GALNT12: variants seen among roughly 807,000 people sequenced by gnomAD.
GALNT12 encodes polypeptide N-acetylgalactosaminyltransferase 12, also known as UDP-GalNAc:polypeptide N-acetylgalactosaminyltransferase 12.
A neutral mutation model predicts 55.5 loss-of-function variants in GALNT12; 45 were observed. The observed-to-expected ratio is 0.81, with a 90% CI of 0.64 to 1.04. GALNT12 has a LOEUF of 1.04. Ranked by LOEUF, GALNT12 falls within the 50% of genes least tolerant of loss-of-function variation. GALNT12 has a pLI of 0.00. For synonymous variants in GALNT12, 304 were observed against 312.2 expected (o/e 0.97, Z 0.28); for missense variants, 709 against 754.8 (o/e 0.94, Z 0.71).
chr9:98,810,221 C>T (rs1199425382), intron 1 of GALNT12, among the ~76,000 whole-genome samples: 1 of 152,132 alleles, frequency 6.6e-6, no homozygotes, highest in Non-Finnish European at 1.5e-5. Context: ...GGGTTCTCTG[C>T]GAGTCTAATA....
chr9:98,815,461 A>G (rs1480127112), intron 1 of GALNT12, among the ~76,000 whole-genome samples: 1 of 152,190 alleles, frequency 6.6e-6, no homozygotes, highest in Non-Finnish European at 1.5e-5. Flanking sequence ...TCAACTTACG[A>G]TGAGTTTATT....
intron 3 of GALNT12, 155 bp from the exon 4 acceptor site, chr9:98,831,617 C>T (rs996992566): frequency 1.4e-4 from 52 of 367,894 alleles, no homozygotes; most frequent in Admixed American, 1.9e-4. Flanking sequence ...GGCTCTGACA[C>T]GGCTGCAGAC....
chr9:98,813,857 G>C (rs1835552543), intron 1 of GALNT12, among the ~76,000 whole-genome samples: 1 of 152,036 alleles, frequency 6.6e-6, no homozygotes, highest in South Asian at 2.1e-4. Context: ...TATACCAGGA[G>C]TGTTTCCCTA....
At position 98,849,809 on chromosome 9, in the gene GALNT12, C is replaced by T; in HGVS notation, c.*717C>T. On this transcript the variant is annotated 3_prime_UTR_variant, in exon 10 of 10. Transcript: ENST00000375011. ...CCGCACTGTAGTGTGGCTGGTTCTA[C>T]CACTATGACTTTAAAACATGTTTAT... 1 of 386,462 alleles carries T rather than the reference C, an allele frequency of 2.6e-6. No individual in the cohort carries two copies. Among genetic ancestry groups the T allele is most frequent in the Non-Finnish European group, 4.6e-6 (1 of 219,424 alleles). The allele number at this position is 386,462 out of a possible 1,614,324, so 23.9% of individuals were successfully genotyped here.
intron 2 of GALNT12, among the ~76,000 whole-genome samples, chr9:98,824,027 A>G (rs1835807631): frequency 6.6e-6 from 1 of 152,220 alleles, no homozygotes; most frequent in South Asian, 2.1e-4. Context: ...CTGTAACAGC[A>G]GGTAGAGCTG....
Position 98,849,540 on chromosome 9 carries a change from A to G in GALNT12, c.*448A>G. 1 of 469,214 alleles carries G rather than the reference A, an allele frequency of 2.1e-6. No individual in the cohort carries two copies. Among genetic ancestry groups the G allele is most frequent in the Non-Finnish European group, 3.7e-6 (1 of 269,622 alleles). The allele number at this position is 469,214 out of a possible 1,614,324, so 29.1% of individuals were successfully genotyped here. On this transcript the variant is annotated 3_prime_UTR_variant, in exon 10 of 10. Transcript: ENST00000375011. ...ACTTTGCATTAACTGATAATACCTC[A>G]GCTGCGGGGTTAAAGTTTTCCCAGT...
chr9:98,808,087 G>C lies in GALNT12; in HGVS notation c.371+18G>C. On this transcript the variant is annotated intron_variant, in intron 1 of 9. Coordinates refer to ENST00000375011, the MANE Select transcript of GALNT12 (RefSeq NM_024642.5). ...AACCCGCTGTGAGTGCACAGCTCTG[G>C]GGAGGAAGCCCGCCCTCAGAGCCCC... 1 of 1,556,570 alleles carries C rather than the reference G, an allele frequency of 6.4e-7. No individual in the cohort carries two copies. The highest frequency in any genetic ancestry group is 8.7e-7 in the Non-Finnish European group (1 of 1,152,092).
At chr9:98,843,066 A>C (rs1346703270) in intron 7 of GALNT12, among the ~76,000 whole-genome samples, 2 of 152,230 alleles carry the variant, frequency 1.3e-5, no homozygotes, top group African/African-American at 4.8e-5. Context: ...CATTGGGCAG[A>C]GAAAGGAAAT....
chr9:98,813,210 A>G (rs1835530291), intron 1 of GALNT12, among the ~76,000 whole-genome samples: 1 of 152,116 alleles, frequency 6.6e-6, no homozygotes, highest in Non-Finnish European at 1.5e-5. Context: ...TTGTTCATGA[A>G]AGTTTTGCTG....
chr9:98,816,906 G>T (rs1302472205), intron 1 of GALNT12, among the ~76,000 whole-genome samples: 1 of 147,494 alleles, frequency 6.8e-6, no homozygotes, highest in Non-Finnish European at 1.5e-5. Context: ...CTCACTGCAA[G>T]CTCTGCCTTC....
intron 4 of GALNT12, among the ~76,000 whole-genome samples, chr9:98,834,318 G>A (rs546008713): frequency 6.6e-6 from 1 of 151,966 alleles, no homozygotes; most frequent in Non-Finnish European, 1.5e-5. Context: ...ACAGGTTTTC[G>A]CCATATTAAC....
intron 1 of GALNT12, among the ~76,000 whole-genome samples, chr9:98,816,972 C>T (rs1835626921): frequency 6.6e-6 from 1 of 151,962 alleles, no homozygotes; most frequent in African/African-American, 2.4e-5. Flanking sequence ...CTACAGGCAC[C>T]AGCCACCACG....
At position 98,840,122 on chromosome 9, in the gene GALNT12, T is replaced by G. The variant is rs1836251705; in HGVS notation, c.1333T>G (p.Phe445Val). Residue 445 changes from phenylalanine (F) to valine (V), a missense_variant, in exon 7 of 10, where the codon TTC becomes GTC. This residue lies in a region of GALNT12 where 262 missense variants were observed against 310.7 expected (regional missense o/e 0.84). Transcript: ENST00000375011. ...ELHVPEDRPG[F>V]FGMLQNKGLT... ...GCATGTGCCTGAGGACAGGCCTGGC[T>G]TCTTCGGGATGGTGAGTGAGGGTGG... The G allele has an allele frequency of 1.2e-6, 2 of 1,613,632 alleles. No individual in the cohort carries two copies. The highest frequency in any genetic ancestry group is 4.5e-5 in the East Asian group (2 of 44,872).
intron 3 of GALNT12, among the ~76,000 whole-genome samples, chr9:98,828,650 A>G (rs181443125): frequency 6.6e-6 from 1 of 152,294 alleles, no homozygotes; most frequent in East Asian, 1.9e-4. Context: ...TACCTGGGAA[A>G]CTTTAAAAAA....
Position 98,823,290 on chromosome 9 carries a change from C to T in GALNT12, c.406C>T (p.Pro136Ser). The T allele has an allele frequency of 1.2e-6, 2 of 1,614,046 alleles. No homozygotes were observed. Among genetic ancestry groups the T allele is most frequent in the East Asian group, 4.5e-5 (2 of 44,880 alleles). Residue 136 changes from proline to serine, a missense_variant, in exon 2 of 10, where the codon CCC becomes TCC. Pro to Ser is a moderately conservative substitution (Grantham distance 74). Transcript: ENST00000375011. Reference protein sequence around the residue: ...KEKKYDYDNLPRTSVIIAFYN... With the variant: ...KEKKYDYDNLSRTSVIIAFYN... ...GAAGAAATATGATTATGATAATTTGCCCAGGACATCTGTTATCATAGCATT... is the reference window on the plus strand; with the variant it reads ...GAAGAAATATGATTATGATAATTTGTCCAGGACATCTGTTATCATAGCATT...
At chr9:98,833,882 A>G (rs1836065193) in intron 4 of GALNT12, among the ~76,000 whole-genome samples, 1 of 152,080 alleles carries the variant, frequency 6.6e-6, no homozygotes, top group South Asian at 2.1e-4. Context: ...TCCCCATCCC[A>G]TAATATCCCT....
At chr9:98,827,647 G>A (rs1006118441) in intron 3 of GALNT12, among the ~76,000 whole-genome samples, 1 of 152,102 alleles carries the variant, frequency 6.6e-6, no homozygotes, top group Admixed American at 6.5e-5. Flanking sequence ...ACAATGCCTA[G>A]GGCCCATGAA....
At chr9:98,833,310 G>A (rs1836047317) in intron 4 of GALNT12, among the ~76,000 whole-genome samples, 2 of 152,164 alleles carry the variant, frequency 1.3e-5, no homozygotes, top group Non-Finnish European at 1.5e-5. Context: ...TTGGCAGTTG[G>A]GCTTCTGAAT....
chr9:98,812,185 TGTTCAATTTCG>T (rs1404288295), intron 1 of GALNT12, among the ~76,000 whole-genome samples: 2 of 152,166 alleles, frequency 1.3e-5, no homozygotes, highest in Middle Eastern at 3.2e-3. Flanking sequence ...CCACAGAACA[TGTTCAATTTCG>T]GTTAGTATTT....
Sources: gnomAD v4.1 joint callset for allele counts (sites outside exome capture counted in the v4.1 genomes callset) on GRCh38, gnomAD v4.1.1 for gene constraint, gnomAD v4.1.1 regional missense constraint, MANE v1.5 for transcripts, NCBI Gene and HGNC (gene_info 2026-07-23, HGNC 2026-07-21) for gene names.